SLC9A4: variants seen among roughly 807,000 people sequenced by gnomAD.
SLC9A4 encodes the protein solute carrier family 9 member A4.
In SLC9A4, 63 loss-of-function variants were observed where a neutral mutation model predicts 67.4. That is an observed-to-expected ratio of 0.93 (90% confidence interval 0.76 to 1.15). The LOEUF (loss-of-function observed/expected upper bound fraction) is 1.15. Ranked by LOEUF, SLC9A4 falls within the 50% of genes most tolerant of loss-of-function variation. SLC9A4 has a pLI of 0.00. For synonymous variants in SLC9A4, 393 were observed against 367.2 expected, an observed-to-expected ratio of 1.07 and a Z score of -0.80; for missense variants, 1,089 against 987.7, an observed-to-expected ratio of 1.10 and a Z score of -1.38.
At chr2:102,500,246 C>A (rs567718697) in intron 2 of SLC9A4, among the ~76,000 whole-genome samples, 2 of 152,118 alleles carry the variant, frequency 1.3e-5, no homozygotes, top group Non-Finnish European at 2.9e-5. Context: ...AACCTAGGAA[C>A]GGTGAGGACT....
At chr2:102,525,317 C>A (rs1053038493) in intron 10 of SLC9A4, among the ~76,000 whole-genome samples, 162 bp downstream of exon 10, 1 of 152,046 alleles carries the variant, frequency 6.6e-6, no homozygotes, top group Non-Finnish European at 1.5e-5. Flanking sequence ...GTGCAGGACA[C>A]CAGAGCAACC....
At position 102,532,740 on chromosome 2, in the gene SLC9A4, T is replaced by G; in HGVS notation, c.*52T>G. On this transcript the variant is annotated 3_prime_UTR_variant, in exon 12 of 12. Coordinates refer to ENST00000295269, the MANE Select transcript of SLC9A4 (RefSeq NM_001011552.4). ...TGTTTCTCAAGAGTCTGTCTTCCTA[T>G]AACTGTGAAAGGAGGATTTCTGGAA... 1 of 1,522,310 alleles carries G rather than the reference T, an allele frequency of 6.6e-7. No homozygotes were observed. The allele number at this position is 1,522,310 out of a possible 1,614,324, so 94.3% of individuals were successfully genotyped here.
chr2:102,525,630 C>T (rs896951437), intron 10 of SLC9A4, among the ~76,000 whole-genome samples: 2 of 151,972 alleles, frequency 1.3e-5, no homozygotes, highest in African/African-American at 4.8e-5. Flanking sequence ...GCACTCTTCC[C>T]ATTGGAGGCC....
At chr2:102,495,509 G>T (rs1223295881) in intron 2 of SLC9A4, among the ~76,000 whole-genome samples, 1 of 151,558 alleles carries the variant, frequency 6.6e-6, no homozygotes, top group Non-Finnish European at 1.5e-5. Context: ...TGACAAAGCT[G>T]ATTCTAAAAA....
chr2:102,485,876 C>T (rs891638869), intron 2 of SLC9A4, among the ~76,000 whole-genome samples: 14 of 152,146 alleles, frequency 9.2e-5, no homozygotes, highest in South Asian at 2.1e-4. Flanking sequence ...TGAACCTAAA[C>T]GCTAAGGGTG....
intron 8 of SLC9A4, among the ~76,000 whole-genome samples, chr2:102,517,740 A>T (rs558368239): frequency 6.6e-6 from 1 of 152,374 alleles, no homozygotes; most frequent in Admixed American, 6.5e-5. Flanking sequence ...AATATAAAAG[A>T]TAAGTAAGAA....
At chr2:102,487,097 G>T (rs1684604313) in intron 2 of SLC9A4, among the ~76,000 whole-genome samples, 1 of 152,132 alleles carries the variant, frequency 6.6e-6, no homozygotes, top group African/African-American at 2.4e-5. Context: ...GGTCCCAAAG[G>T]ATTCAGGCAT....
chr2:102,523,779 C>T (rs1674599646), intron 9 of SLC9A4, among the ~76,000 whole-genome samples: 1 of 152,188 alleles, frequency 6.6e-6, no homozygotes, highest in Non-Finnish European at 1.5e-5. Flanking sequence ...CAGACTCATT[C>T]CTGGCTCTTT....
At chr2:102,509,042 C>G in intron 6 of SLC9A4, 109 bp downstream of exon 6, 6 of 929,242 alleles carry the variant, frequency 6.5e-6, no homozygotes, top group South Asian at 1.6e-5. Flanking sequence ...CCCACTCTGC[C>G]AAGAGTGACT....
intron 2 of SLC9A4, among the ~76,000 whole-genome samples, chr2:102,485,650 A>G (rs1164174340): frequency 6.6e-6 from 1 of 152,188 alleles, no homozygotes; most frequent in Non-Finnish European, 1.5e-5. Flanking sequence ...CTCTAGTGGA[A>G]GAACGAATGC....
In SLC9A4 at chr2:102,512,258, A is replaced by G; in HGVS notation, c.1544A>G (p.Tyr515Cys). The change falls in exon 7 of 12, where the codon TAC becomes TGC. Residue 515 changes from tyrosine to cysteine, a missense_variant. Physicochemically the swap from Tyr to Cys is radical, Grantham distance 194. Transcript: ENST00000295269. ...IEDVCGHWSH[Y>C]QVRDKFKKFD... ...GATGTGTGTGGGCACTGGAGTCACTACCAAGTGAGAGACAAGTAAGGAGGC... is the reference window on the plus strand; with the variant it reads ...GATGTGTGTGGGCACTGGAGTCACTGCCAAGTGAGAGACAAGTAAGGAGGC... 6.2e-7 allele frequency: 1 copy of G among 1,614,108 alleles called. No homozygotes were observed. Among genetic ancestry groups the G allele is most frequent in the Non-Finnish European group, 8.5e-7 (1 of 1,179,990 alleles).
At position 102,514,111 on chromosome 2, in the gene SLC9A4, A is replaced by G. The variant is rs1357136642; in HGVS notation, c.1581A>G (p.Arg527=). 4.3e-6 allele frequency: 7 copies of G among 1,612,666 alleles called. No homozygotes were observed. In the East Asian group the frequency reaches 1.6e-4, roughly 36 times the overall value. ...VRDKFKKFDH[R]YLRKILIRKN... is the part of the protein sequence containing the mutation. ...TTAGGTTTAAGAAGTTTGATCATAG[A>G]TACTTACGGAAAATCCTCATCAGAA... Residue 527 remains arginine, a synonymous_variant, in exon 8 of 12, where the codon AGA becomes AGG. Transcript: ENST00000295269.
intron 7 of SLC9A4, among the ~76,000 whole-genome samples, chr2:102,512,931 T>A (rs1192660535): frequency 6.6e-6 from 1 of 151,940 alleles, no homozygotes; most frequent in Non-Finnish European, 1.5e-5. Flanking sequence ...GAAGAAGTGG[T>A]CAGAGAGGCT....
Position 102,519,948 on chromosome 2 carries a change from G to T in SLC9A4, c.1811G>T (p.Arg604Leu), listed in dbSNP as rs144537340. 1.3e-5 allele frequency: 21 copies of T among 1,613,254 alleles called. 1 individual carries two copies. The highest frequency in any genetic ancestry group is 8.3e-5 in the Admixed American group (5 of 59,976). The change falls in exon 9 of 12, where the codon CGG (arginine) becomes CTG (leucine). Residue 604 changes from arginine to leucine, a missense_variant. By Grantham distance (102) the Arg-to-Leu change is moderately radical. Transcript: ENST00000295269. ...DILTSNMYQV[R>L]QRTLSYNKYN... is the part of the protein sequence containing the mutation. ...CTGACATCCAACATGTACCAAGTTC[G>T]GCAAAGGGTGTGTATGAGCCACCTG...
rs61708027 is a variant in SLC9A4 at position 102,491,317 on chromosome 2, C to CTTTTTTTTTTTTTT, written c.720+12037_720+12050dup. 2.1e-3 allele frequency among the ~76,000 whole-genome samples: 97 copies of CTTTTTTTTTTTTTT among 45,778 alleles called. 13 individuals are homozygous for CTTTTTTTTTTTTTT. Among genetic ancestry groups the CTTTTTTTTTTTTTT allele is most frequent in the East Asian group, 5.5e-3 (6 of 1,094 alleles). The allele number at this position is 45,778 out of a possible 152,430, so 30.0% of individuals were successfully genotyped here. On this transcript the variant is annotated intron_variant, in intron 2 of 11. Coordinates refer to ENST00000295269, the MANE Select transcript of SLC9A4 (RefSeq NM_001011552.4). The stretch of plus-strand genomic sequence containing the variant: ...ATTTCTCTTCCCATTTGTACTAATG[C>CTTTTTTTTTTTTTT]TTTTTTTTTTTTTTTTTTTTTTTTT...
intron 1 of SLC9A4, among the ~76,000 whole-genome samples, chr2:102,474,803 A>G (rs1297600589): frequency 6.6e-6 from 1 of 152,246 alleles, no homozygotes; most frequent in Non-Finnish European, 1.5e-5. Flanking sequence ...AATGCTAAGC[A>G]CAATGCCTCC....
chr2:102,479,217 T>A lies in SLC9A4; in HGVS notation c.635T>A (p.Leu212Gln), dbSNP rs145896984. ...LISAVDPVAV[L>Q]AVFEEARVNE... ...TCCGCCGTGGACCCAGTGGCCGTGC[T>A]AGCCGTGTTTGAGGAAGCGCGCGTG... The change falls in exon 2 of 12, where the codon CTA becomes CAA. Residue 212 changes from leucine (L) to glutamine (Q), a missense_variant. Transcript: ENST00000295269. 5 of 1,614,110 alleles carry A rather than the reference T, an allele frequency of 3.1e-6. No homozygotes were observed. Among genetic ancestry groups the A allele is most frequent in the Non-Finnish European group, 4.2e-6 (5 of 1,180,046 alleles).
intron 5 of SLC9A4, 87 bp from the exon 6 acceptor site, chr2:102,508,760 A>C (rs1685099354): frequency 1.0e-6 from 1 of 960,468 alleles, no homozygotes; most frequent in African/African-American, 1.7e-5. Context: ...TAGATTGGAC[A>C]TTCTAATAGT....
chr2:102,482,381 A>G (rs17027293), intron 2 of SLC9A4, among the ~76,000 whole-genome samples: 16,349 of 152,168 alleles, frequency 0.11, 1,154 homozygotes, highest in African/African-American at 0.2. Flanking sequence ...GTTGAGAGAA[A>G]CTGATATATG....
Sources: gnomAD v4.1 joint callset for allele counts (sites outside exome capture counted in the v4.1 genomes callset) on GRCh38, gnomAD v4.1.1 for gene constraint, MANE v1.5 for transcripts, NCBI Gene and HGNC (gene_info 2026-07-23, HGNC 2026-07-21) for gene names.